The following PITPNC1 variants were observed in gnomAD, a reference collection of about 807,000 sequenced individuals.
PITPNC1 encodes cytoplasmic phosphatidylinositol transfer protein 1.
In PITPNC1, 18 loss-of-function variants were observed where a neutral mutation model predicts 44.7. The observed-to-expected ratio is 0.40, with a 90% CI of 0.28 to 0.60. The LOEUF (loss-of-function observed/expected upper bound fraction) is 0.60, where lower values mean the gene tolerates loss of function less well. Among genes scored for constraint, PITPNC1 ranks in the 20% least tolerant of loss-of-function variants. The pLI is 0.39. For missense variants in PITPNC1, 290 were observed against 418.4 expected, an observed-to-expected ratio of 0.69 and a Z score of 2.68; for synonymous variants, 141 against 149.6, an observed-to-expected ratio of 0.94 and a Z score of 0.42.
At chr17:67,482,398 T>A (rs2039716612) in intron 1 of PITPNC1, among the ~76,000 whole-genome samples, 1 of 152,200 alleles carries the variant, frequency 6.6e-6, no homozygotes. Flanking sequence ...TTTAATAGAT[T>A]AATGGTAATC....
intron 1 of PITPNC1, among the ~76,000 whole-genome samples, chr17:67,529,903 G>A (rs1191166211): frequency 6.6e-6 from 1 of 152,080 alleles, no homozygotes; most frequent in Non-Finnish European, 1.5e-5. Flanking sequence ...AGCCAAGATC[G>A]CACCACTGCA....
chr17:67,495,036 A>AGTT (rs1319694317), intron 1 of PITPNC1, among the ~76,000 whole-genome samples: 2 of 69,932 alleles, frequency 2.9e-5, no homozygotes, highest in Admixed American at 1.7e-4. Context: ...TGAGCCATGG[A>AGTT]GTTGTTTTTT....
intron 1 of PITPNC1, among the ~76,000 whole-genome samples, chr17:67,415,623 A>G (rs182079253): frequency 1.2e-3 from 184 of 152,316 alleles, no homozygotes; most frequent in African/African-American, 4.2e-3. Flanking sequence ...AAAAATCAGA[A>G]TTAATGGAAT....
At chr17:67,421,348 TCTCAGCTCACTGCAAC>T (rs1227727716) in intron 1 of PITPNC1, among the ~76,000 whole-genome samples, 1 of 152,150 alleles carries the variant, frequency 6.6e-6, no homozygotes, top group Non-Finnish European at 1.5e-5. Flanking sequence ...AATGGTGTGA[TCTCAGCTCACTGCAAC>T]CTCTGCCTCC....
At position 67,552,247 on chromosome 17, in the gene PITPNC1, T is replaced by C. The variant is rs767885662; in HGVS notation, c.198-10T>C. 10 of 1,472,962 alleles carry C rather than the reference T, an allele frequency of 6.8e-6. No individual in the cohort carries two copies. The highest frequency in any genetic ancestry group is 8.6e-6 in the Non-Finnish European group (9 of 1,051,860). The allele number at this position is 1,472,962 out of a possible 1,614,324, so 91.2% of individuals were successfully genotyped here. A position where few individuals can be genotyped will look rare whatever the true frequency, so the allele number is the denominator to read the frequency against. On this transcript the variant is annotated splice_polypyrimidine_tract_variant and intron_variant, in intron 2 of 8. Coordinates refer to ENST00000581322, the MANE Select transcript of PITPNC1 (RefSeq NM_012417.4). ...GACTCCAATTGTCTTTTTTCTTTCT[T>C]TCCTCTTAGCAAACTGCCTAGTTGG... is the stretch of plus-strand genomic sequence containing the variant.
At chr17:67,456,244 C>G (rs1467718655) in intron 1 of PITPNC1, among the ~76,000 whole-genome samples, 3 of 152,070 alleles carry the variant, frequency 2.0e-5, no homozygotes, top group African/African-American at 7.2e-5. Flanking sequence ...TGGTCAGTTT[C>G]TGTCTGGTAC....
chr17:67,573,909 G>A (rs943823339), intron 4 of PITPNC1, among the ~76,000 whole-genome samples: 4 of 152,130 alleles, frequency 2.6e-5, no homozygotes, highest in African/African-American at 7.2e-5. Context: ...AAAGAGATAC[G>A]GAATTGATTA....
intron 2 of PITPNC1, among the ~76,000 whole-genome samples, chr17:67,548,588 C>T (rs1347711129): frequency 6.6e-6 from 1 of 152,050 alleles, no homozygotes; most frequent in Admixed American, 6.5e-5. Flanking sequence ...AAGCCTCTGT[C>T]TCAAATAAAT....
intron 1 of PITPNC1, among the ~76,000 whole-genome samples, chr17:67,461,806 C>A (rs552074079): frequency 3.3e-5 from 5 of 152,134 alleles, no homozygotes; most frequent in Non-Finnish European, 7.4e-5. Context: ...TGAGGGAGAC[C>A]CTGTCTCTAA....
Position 67,412,823 on chromosome 17 carries a change from C to T in PITPNC1, c.48+34621C>T, listed in dbSNP as rs1421814066. On this transcript the variant is annotated intron_variant, in intron 1 of 8. Coordinates refer to ENST00000581322, the MANE Select transcript of PITPNC1 (RefSeq NM_012417.4). ...TCAGGTGATCCTCCCGCTTTGGCCT[C>T]CCAAAGTGTTGGGATTACAGGCGTG... Among the ~76,000 whole-genome samples the T allele has an allele frequency of 2.0e-5, 3 of 152,220 alleles. No individual in the cohort carries two copies. The East Asian group carries it at 5.8e-4, about 29-fold the overall frequency.
intron 1 of PITPNC1, among the ~76,000 whole-genome samples, chr17:67,433,356 A>T (rs2038885362): frequency 6.6e-6 from 1 of 152,144 alleles, no homozygotes; most frequent in African/African-American, 2.4e-5. Context: ...GTGGAACCGG[A>T]GTCTGGAGAG....
Position 67,570,570 on chromosome 17 carries a change from C to T in PITPNC1, c.295-7616C>T, listed in dbSNP as rs114471528. On this transcript the variant is annotated intron_variant, in intron 4 of 8. Transcript: ENST00000581322. ...AGGGTACAATGGAGTGGACCAACAT[C>T]TCTCCAGCATCTGCCAGGCGCTGCC... Among the ~76,000 whole-genome samples, 682 of 152,322 alleles carry T rather than the reference C, an allele frequency of 4.5e-3. 6 individuals are homozygous for T. Among genetic ancestry groups the T allele is most frequent in the African/African-American group, 0.015 (643 of 41,564 alleles).
chr17:67,651,675 G>A (rs2042211179), intron 6 of PITPNC1, among the ~76,000 whole-genome samples: 1 of 152,078 alleles, frequency 6.6e-6, no homozygotes, highest in South Asian at 2.1e-4. Context: ...AACCTCATAT[G>A]TTTTAGCTAT....
Position 67,588,027 on chromosome 17 carries a change from G to A in PITPNC1, c.366+9770G>A, listed in dbSNP as rs181066250. On this transcript the variant is annotated intron_variant, in intron 5 of 8. Coordinates refer to ENST00000581322, the MANE Select transcript of PITPNC1 (RefSeq NM_012417.4). ...TTCTTTCTTTTTTATTTTTTGAAAC[G>A]GAGTCTCACTTTGTCACCCAGGCTG... is the stretch of plus-strand genomic sequence containing the variant. Among the ~76,000 whole-genome samples, 10 of 152,008 alleles carry A rather than the reference G, an allele frequency of 6.6e-5. No homozygotes were observed. In the East Asian group the frequency reaches 1.4e-3, roughly 21 times the overall value.
At position 67,597,250 on chromosome 17, in the gene PITPNC1, T is replaced by C. The variant is rs1413196157; in HGVS notation, c.366+18993T>C. Among the ~76,000 whole-genome samples the C allele has an allele frequency of 6.6e-6, 1 of 151,994 alleles. No individual in the cohort carries two copies. The highest frequency in any genetic ancestry group is 6.6e-5 in the Admixed American group (1 of 15,262). On this transcript the variant is annotated intron_variant, in intron 5 of 8. Coordinates refer to ENST00000581322, the MANE Select transcript of PITPNC1 (RefSeq NM_012417.4). The surrounding 1 kb of genome is among the most constrained non-coding windows in gnomAD (Gnocchi z 4.0). ...TTCCTGACATATCATAGATGTTCAGTAAATATCAATTATCTTCCTCAGGCT... is the reference window on the plus strand; with the variant it reads ...TTCCTGACATATCATAGATGTTCAGCAAATATCAATTATCTTCCTCAGGCT...
At chr17:67,416,496 G>A (rs112829512) in intron 1 of PITPNC1, among the ~76,000 whole-genome samples, 17 of 151,950 alleles carry the variant, frequency 1.1e-4, no homozygotes, top group African/African-American at 3.6e-4. Flanking sequence ...GATTATAAGC[G>A]TGAGCCACCG....
chr17:67,608,661 TTC>T (rs1465048748), intron 5 of PITPNC1, among the ~76,000 whole-genome samples: 1 of 146,090 alleles, frequency 6.8e-6, no homozygotes, highest in African/African-American at 2.6e-5. Flanking sequence ...TGTCTAGTTT[TTC>T]TAGTTTTTTT....
chr17:67,485,518 C>G lies in PITPNC1; in HGVS notation c.49-47284C>G, dbSNP rs1340407442. Among the ~76,000 whole-genome samples the G allele has an allele frequency of 3.3e-5, 5 of 151,886 alleles. No individual in the cohort carries two copies. In the East Asian group the frequency reaches 9.7e-4, roughly 29 times the overall value. On this transcript the variant is annotated intron_variant, in intron 1 of 8. Coordinates refer to ENST00000581322, the MANE Select transcript of PITPNC1 (RefSeq NM_012417.4). The stretch of plus-strand genomic sequence containing the variant: ...TAGCTGGGATTACAGGCACTCACCA[C>G]CACCCCTGGCTAATTTTTGTATTTT...
intron 6 of PITPNC1, among the ~76,000 whole-genome samples, chr17:67,650,542 G>A (rs1210302959): frequency 4.9e-5 from 7 of 143,906 alleles, no homozygotes; most frequent in East Asian, 4.1e-4. Context: ...TCTGCCTCTC[G>A]GGTTTAAGCG....
Sources: gnomAD v4.1 joint callset for allele counts (sites outside exome capture counted in the v4.1 genomes callset) on GRCh38, gnomAD v4.1.1 for gene constraint, Gnocchi (gnomAD v3.1) non-coding constraint, MANE v1.5 for transcripts, NCBI Gene and HGNC (gene_info 2026-07-23, HGNC 2026-07-21) for gene names.